Variants in PCDHGB3 observed in about 807,000 individuals in gnomAD.
PCDHGB3 encodes the protein protocadherin gamma-B3.
A neutral mutation model predicts 59.2 loss-of-function variants in PCDHGB3; 40 were observed. The observed-to-expected ratio is 0.68, with a 90% CI of 0.52 to 0.88. The LOEUF is 0.88. PCDHGB3 is among the 40% of genes least tolerant of loss of function. The pLI is 0.00. For synonymous variants in PCDHGB3, 581 were observed against 503.6 expected, an observed-to-expected ratio of 1.15 and a Z score of -2.06; for missense variants, 1,309 against 1,187.9, an observed-to-expected ratio of 1.10 and a Z score of -1.50.
At chr5:141,447,976 C>T (rs774074042) in intron 1 of PCDHGB3, among the ~76,000 whole-genome samples, 18 of 151,938 alleles carry the variant, frequency 1.2e-4, no homozygotes, top group Non-Finnish European at 2.5e-4. Flanking sequence ...ATCCCAGCTA[C>T]TCGGGAGGCT....
chr5:141,394,860 G>A, intron 1 of PCDHGB3: 1 of 1,613,792 alleles, frequency 6.2e-7, no homozygotes, highest in African/African-American at 1.3e-5. Flanking sequence ...GCCTTCGGTC[G>A]ACCCGAACGA....
chr5:141,403,571 G>A (rs778030830), intron 1 of PCDHGB3: 1 of 1,613,904 alleles, frequency 6.2e-7, no homozygotes, highest in Non-Finnish European at 8.5e-7. Context: ...GGAGGCAACT[G>A]CCCACCACCT....
At chr5:141,469,994 C>T (rs948868787) in intron 1 of PCDHGB3, among the ~76,000 whole-genome samples, 2 of 151,830 alleles carry the variant, frequency 1.3e-5, no homozygotes, top group Non-Finnish European at 1.5e-5. Flanking sequence ...AGCTGGTCGT[C>T]GTGGCACGCC....
At chr5:141,449,080 A>G (rs2098627421) in intron 1 of PCDHGB3, among the ~76,000 whole-genome samples, 1 of 152,198 alleles carries the variant, frequency 6.6e-6, no homozygotes, top group Non-Finnish European at 1.5e-5. Context: ...CCCTGTACCT[A>G]CATCAGTTTT....
intron 1 of PCDHGB3, among the ~76,000 whole-genome samples, chr5:141,462,117 C>G (rs965365318): frequency 6.6e-6 from 1 of 152,170 alleles, no homozygotes; most frequent in African/African-American, 2.4e-5. Flanking sequence ...GCCACTGCAC[C>G]CAGTCCAATT....
At chr5:141,430,373 A>G (rs1456234962) in intron 1 of PCDHGB3, among the ~76,000 whole-genome samples, 1 of 151,170 alleles carries the variant, frequency 6.6e-6, no homozygotes, top group Non-Finnish European at 1.5e-5. Flanking sequence ...GGGAAAAAAA[A>G]GCTCATTGGG....
chr5:141,405,514 A>C, intron 1 of PCDHGB3: 1 of 704,834 alleles, frequency 1.4e-6, no homozygotes, highest in Non-Finnish European at 2.3e-6. Context: ...CCGCCTCCCA[A>C]ATTCAAGCGA....
At chr5:141,422,747 C>T (rs1381295469) in intron 1 of PCDHGB3, 2 of 1,611,224 alleles carry the variant, frequency 1.2e-6, no homozygotes, top group Non-Finnish European at 1.7e-6. Context: ...TCCTATGTCT[C>T]TATTAACTCC....
chr5:141,371,823 T>A lies in PCDHGB3; in HGVS notation c.1429T>A (p.Ser477Thr). The change falls in exon 1 of 4, where the codon TCG (serine) becomes ACG (threonine). Residue 477 changes from serine to threonine, a missense_variant. Coordinates refer to ENST00000576222, the MANE Select transcript of PCDHGB3 (RefSeq NM_018924.5). ...AGCCTCCATTGCGCATGTCAGAGCC[T>A]CGGATCCCGACTTGGGACCTAATGG... ...PGASIAHVRASDPDLGPNGLV... is the reference protein window; with the variant it reads ...PGASIAHVRATDPDLGPNGLV... The A allele has an allele frequency of 1.2e-6, 2 of 1,613,832 alleles. No homozygotes were observed. Among genetic ancestry groups the A allele is most frequent in the South Asian group, 2.2e-5 (2 of 91,084 alleles).
chr5:141,466,686 T>G (rs112499949), intron 1 of PCDHGB3, among the ~76,000 whole-genome samples: 2 of 152,352 alleles, frequency 1.3e-5, no homozygotes, highest in African/African-American at 4.8e-5. Flanking sequence ...CCACTCAAGC[T>G]TCATCATAAA....
chr5:141,408,904 T>C (rs779095615), intron 1 of PCDHGB3: 14 of 1,613,246 alleles, frequency 8.7e-6, no homozygotes, highest in Admixed American at 3.3e-5. Flanking sequence ...CTGTCAAGGA[T>C]ACCAATGATA....
chr5:141,398,171 C>T (rs773536231), intron 1 of PCDHGB3: 3 of 1,476,352 alleles, frequency 2.0e-6, no homozygotes, highest in Non-Finnish European at 2.7e-6. Flanking sequence ...GAGAGGCTGC[C>T]AGTGCTCTTT....
At chr5:141,459,814 T>A (rs757306281) in intron 1 of PCDHGB3, among the ~76,000 whole-genome samples, 2 of 152,256 alleles carry the variant, frequency 1.3e-5, no homozygotes, top group African/African-American at 4.8e-5. Context: ...CTAGAGACAC[T>A]GAGCAACTTT....
chr5:141,443,309 C>T (rs2098379780), intron 1 of PCDHGB3, among the ~76,000 whole-genome samples: 1 of 131,436 alleles, frequency 7.6e-6, no homozygotes, highest in African/African-American at 3.4e-5. Flanking sequence ...GGCAAAAACC[C>T]ATCTCTACAA....
At chr5:141,455,634 G>C (rs1429708887) in intron 1 of PCDHGB3, among the ~76,000 whole-genome samples, 1 of 152,110 alleles carries the variant, frequency 6.6e-6, no homozygotes. Context: ...GAGATATGTG[G>C]GGGGCAGCCA....
intron 1 of PCDHGB3, chr5:141,403,227 G>C (rs2094378929): frequency 1.2e-6 from 2 of 1,608,848 alleles, no homozygotes; most frequent in African/African-American, 1.3e-5. Context: ...AGGATAGACC[G>C]GGAGGAGCTC....
intron 1 of PCDHGB3, chr5:141,414,994 T>G (rs1390374290): frequency 6.2e-7 from 1 of 1,613,744 alleles, no homozygotes; most frequent in South Asian, 1.1e-5. Flanking sequence ...CCAGAACGCC[T>G]GGCTGTCCTA....
intron 1 of PCDHGB3, chr5:141,388,701 G>A: frequency 1.9e-6 from 3 of 1,613,986 alleles, no homozygotes; most frequent in South Asian, 1.1e-5. Context: ...GGATGAGGGT[G>A]TCAATGCCGA....
At chr5:141,505,345 G>C (rs776607130) in intron 2 of PCDHGB3, 48 bp from the exon 3 acceptor site, 3 of 1,613,086 alleles carry the variant, frequency 1.9e-6, no homozygotes, top group Non-Finnish European at 2.5e-6. Flanking sequence ...AGGGGCATGA[G>C]CTGTGCCGGC....
Sources: gnomAD v4.1 joint callset for allele counts (sites outside exome capture counted in the v4.1 genomes callset) on GRCh38, gnomAD v4.1.1 for gene constraint, MANE v1.5 for transcripts, NCBI Gene and HGNC (gene_info 2026-07-23, HGNC 2026-07-21) for gene names.